The following SH3TC1 variants were observed in gnomAD, a reference collection of about 807,000 sequenced individuals.
The protein encoded by SH3TC1 is SH3 domain and tetratricopeptide repeat-containing protein 1.
SH3TC1 carries 135 observed loss-of-function variants against 117.3 expected under a neutral mutation model. That is an observed-to-expected ratio of 1.15 (90% CI 1.00 to 1.33). The LOEUF is 1.33. SH3TC1 is among the 40% of genes most tolerant of loss of function. The pLI is 0.00. For missense variants in SH3TC1, 2,092 were observed against 1,794.3 expected (o/e 1.17, Z -3.00); for synonymous variants, 898 against 816.9 (o/e 1.10, Z -1.69).
At chr4:8,208,324 A>G (rs1281134) in intron 2 of SH3TC1, among the ~76,000 whole-genome samples, 124,869 of 151,700 alleles carry the variant, frequency 0.82, 51,903 homozygotes, top group Non-Finnish European at 0.89. Context: ...CAACGGAGTC[A>G]AGATCTGAGC....
Position 8,235,539 on chromosome 4 carries a change from CTG to C in SH3TC1, c.3393_3394del (p.Ser1132LeufsTer97), listed in dbSNP as rs1209646942. ...GACGGGGCCTGGGAGCGGGAGAAAG[CTG>C]TGTCCTTCTACCGGGTGAGCTGGCC... On this transcript the variant is annotated frameshift_variant, in exon 15 of 18. Coordinates refer to ENST00000245105, the MANE Select transcript of SH3TC1 (RefSeq NM_018986.5). LOFTEE classifies it high-confidence loss of function. 1.2e-6 allele frequency: 2 copies of C among 1,601,406 alleles called. No individual in the cohort carries two copies. Among genetic ancestry groups the C allele is most frequent in the Admixed American group, 1.7e-5 (1 of 58,096 alleles).
At chr4:8,195,633 C>CGT (rs1717537946), upstream of SH3TC1, among the ~76,000 whole-genome samples, 1 of 152,180 alleles carries the variant, frequency 6.6e-6, no homozygotes, top group Non-Finnish European at 1.5e-5. Context: ...TCTCCAGACC[C>CGT]GTGTGTGGAT....
rs1459577576 is a variant in SH3TC1 at position 8,220,446 on chromosome 4, A to C, written c.1112+916A>C. ...CTATGTGATTTACACGCCACCCATG[A>C]CCTGCCTGCTCCCAGCCAGGGAACT... On this transcript the variant is annotated intron_variant, in intron 9 of 17. Transcript: ENST00000245105. 2.0e-5 allele frequency among the ~76,000 whole-genome samples: 3 copies of C among 152,024 alleles called. No homozygotes were observed. The East Asian group carries it at 5.8e-4, about 29-fold the overall frequency.
chr4:8,232,968 G>C, intron 13 of SH3TC1: 2 of 1,194,720 alleles, frequency 1.7e-6, no homozygotes, highest in Non-Finnish European at 2.1e-6. Flanking sequence ...TCTGGGGGCA[G>C]GCCAGCAAGC....
intron 9 of SH3TC1, among the ~76,000 whole-genome samples, chr4:8,220,162 G>C (rs1421912011): frequency 1.3e-5 from 2 of 152,148 alleles, no homozygotes; most frequent in Non-Finnish European, 2.9e-5. Context: ...GGTTCCGGGA[G>C]ACATGAATTG....
chr4:8,204,046 C>T (rs1281129), intron 1 of SH3TC1, among the ~76,000 whole-genome samples: 94,019 of 152,078 alleles, frequency 0.62, 30,392 homozygotes, highest in Non-Finnish European at 0.7. Context: ...GTGCCCTGCC[C>T]CCCAGCATCC....
chr4:8,217,893 T>C (rs1269230798), intron 7 of SH3TC1, among the ~76,000 whole-genome samples: 1 of 152,138 alleles, frequency 6.6e-6, no homozygotes, highest in Admixed American at 6.5e-5. Context: ...AAAGTCACAG[T>C]GGTACTAGGA....
Position 8,214,502 on chromosome 4 carries a change from C to T in SH3TC1, c.403C>T (p.His135Tyr), listed in dbSNP as rs768018246. The T allele has an allele frequency of 2.5e-6, 4 of 1,613,956 alleles. No individual in the cohort carries two copies. The highest frequency in any genetic ancestry group is 2.2e-5 in the South Asian group (2 of 91,076). ...GELSARLLSI[H>Y]SDQDRIVVTF... ...ATTATCAGCCAGGCTGCTGTCCATCCACAGTGACCAGGACCGGATCGTGGT... is the reference window on the plus strand; with the variant it reads ...ATTATCAGCCAGGCTGCTGTCCATCTACAGTGACCAGGACCGGATCGTGGT... Residue 135 changes from histidine to tyrosine, a missense_variant, in exon 5 of 18, where the codon CAC becomes TAC. Transcript: ENST00000245105.
Position 8,232,048 on chromosome 4 carries a change from T to A in SH3TC1, c.3023T>A (p.Ile1008Asn). 6.2e-7 allele frequency: 1 copy of A among 1,613,454 alleles called. No homozygotes were observed. Among genetic ancestry groups the A allele is most frequent in the Non-Finnish European group, 8.5e-7 (1 of 1,179,996 alleles). ...AVMPSEAQCV[I>N]YHELQLSLAC... ...ATGCCCAGCGAGGCCCAGTGTGTCA[T>A]CTACCATGAGCTCCAGCTCTCCCTG... is the stretch of plus-strand genomic sequence containing the variant. Residue 1008 changes from isoleucine to asparagine, a missense_variant, in exon 13 of 18, where the codon ATC (isoleucine) becomes AAC (asparagine). By Grantham distance (149) the Ile-to-Asn change is moderately radical. Coordinates refer to ENST00000245105, the MANE Select transcript of SH3TC1 (RefSeq NM_018986.5).
rs1390326888 is a variant in SH3TC1 at position 8,183,725 on chromosome 4, G to T, written c.-57+1515G>T. 6.6e-6 allele frequency among the ~76,000 whole-genome samples: 1 copy of T among 152,164 alleles called. No homozygotes were observed. Among genetic ancestry groups the T allele is most frequent in the East Asian group, 1.9e-4 (1 of 5,188 alleles). On this transcript the variant is annotated intron_variant, in intron 1 of 16. Coordinates refer to the SH3TC1 transcript ENST00000508641. The surrounding 1 kb of genome is among the most constrained non-coding windows in gnomAD (Gnocchi z 5.4). ...TATGATTAGCATCTCACCTTGGTAT[G>T]GTACATTTGTCATAACTAATGAGCC...
chr4:8,223,759 A>G (rs1561702556), intron 10 of SH3TC1, among the ~76,000 whole-genome samples: 1 of 151,892 alleles, frequency 6.6e-6, no homozygotes, highest in African/African-American at 2.4e-5. Flanking sequence ...CAGCCTCCCA[A>G]GTAGCTGGAA....
At chr4:8,228,698 C>T (rs1162014023) in intron 12 of SH3TC1, 54 bp downstream of exon 12, 8 of 1,325,872 alleles carry the variant, frequency 6.0e-6, no homozygotes, top group Non-Finnish European at 8.0e-6. Context: ...GGTCAGGGCA[C>T]ACCTGGGGTT....
At position 8,192,148 on chromosome 4, in the gene SH3TC1, C is replaced by G. The variant is rs1158982384; in HGVS notation, c.-57+9938C>G. On this transcript the variant is annotated intron_variant, in intron 1 of 16. Transcript: ENST00000508641. This position sits in a 1 kb window ranked among gnomAD's most constrained non-coding sequence, Gnocchi z 4.1. Reference sequence around the variant, plus strand: ...AAGATTACAGGCACCTGCCACCACACTCAGCTAATTTTTGTATTTTTTTTT... The same window carrying G: ...AAGATTACAGGCACCTGCCACCACAGTCAGCTAATTTTTGTATTTTTTTTT... Among the ~76,000 whole-genome samples the G allele has an allele frequency of 1.3e-5, 2 of 151,930 alleles. No homozygotes were observed. The highest frequency in any genetic ancestry group is 4.8e-5 in the African/African-American group (2 of 41,320).
chr4:8,182,758 C>T (rs1246273176), intron 1 of SH3TC1, among the ~76,000 whole-genome samples: 1 of 152,160 alleles, frequency 6.6e-6, no homozygotes, highest in African/African-American at 2.4e-5. Context: ...GAGCCCTGGG[C>T]GGGCCCAGAG....
At position 8,240,992 on chromosome 4, in the gene SH3TC1, TG is replaced by T. The variant is rs1359938340; in HGVS notation, c.*42del. ...AAGGGAGTGGGTTTTGTGCAAGGGC[TG>T]GGGGTCTCCTGCCTCTCCTGGTGTC... On this transcript the variant is annotated 3_prime_UTR_variant, in exon 18 of 18. Transcript: ENST00000245105. 3.1e-6 allele frequency: 5 copies of T among 1,591,704 alleles called. No homozygotes were observed. Among genetic ancestry groups the T allele is most frequent in the Non-Finnish European group, 3.4e-6 (4 of 1,170,812 alleles).
intron 13 of SH3TC1, chr4:8,232,753 A>G (rs1721362895): frequency 7.8e-7 from 1 of 1,289,590 alleles, no homozygotes; most frequent in South Asian, 1.2e-5. Context: ...TCACCAAGAG[A>G]GCAGGGAAGG....
Position 8,210,466 on chromosome 4 carries a change from C to T in SH3TC1, c.247+644C>T, listed in dbSNP as rs79965921. Among the ~76,000 whole-genome samples, 134 of 152,280 alleles carry T rather than the reference C, an allele frequency of 8.8e-4. No homozygotes were observed. The highest frequency in any genetic ancestry group is 1.6e-3 in the Non-Finnish European group (108 of 68,024). On this transcript the variant is annotated intron_variant, in intron 3 of 17. Transcript: ENST00000245105. The surrounding 1 kb of genome is among the most constrained non-coding windows in gnomAD (Gnocchi z 4.1). ...ACCAGGACGCATTAGGCAATAGGAC[C>T]GTTATTTAGAATTTGAAAATGCAGG...
At chr4:8,211,590 C>T (rs1718735828) in intron 3 of SH3TC1, among the ~76,000 whole-genome samples, 1 of 150,062 alleles carries the variant, frequency 6.7e-6, no homozygotes, top group African/African-American at 2.5e-5. Context: ...CTGCAGAGGC[C>T]AAAGCCCCTG....
intron 1 of SH3TC1, chr4:8,204,851 C>G (rs1395870411): frequency 1.4e-5 from 3 of 220,356 alleles, no homozygotes; most frequent in Non-Finnish European, 2.7e-5. Context: ...CAGTGACCGG[C>G]TCCTGAGGAG....
Sources: allele counts gnomAD v4.1 joint callset (sites outside exome capture counted in the v4.1 genomes callset), GRCh38; gene constraint gnomAD v4.1.1; non-coding constraint Gnocchi (gnomAD v3.1); transcripts MANE v1.5; gene names NCBI Gene and HGNC (gene_info 2026-07-23, HGNC 2026-07-21).